ALPK2: variants seen among roughly 807,000 people sequenced by gnomAD.
ALPK2 encodes alpha kinase 2, also known as alpha-protein kinase 2.
In ALPK2, 127 loss-of-function variants were observed where a neutral mutation model predicts 163.1. That is an observed-to-expected ratio of 0.78 (90% CI 0.67 to 0.90). The LOEUF (loss-of-function observed/expected upper bound fraction) is 0.90, where lower values mean the gene tolerates loss of function less well. ALPK2 is among the 40% of genes least tolerant of loss of function. The pLI is 0.00. For missense variants in ALPK2, 2,360 were observed against 2,589.6 expected, an observed-to-expected ratio of 0.91 and a Z score of 1.92; for synonymous variants, 953 against 959.1, an observed-to-expected ratio of 0.99 and a Z score of 0.12.
At chr18:58,490,889 C>T (rs772384115) in intron 12 of ALPK2, among the ~76,000 whole-genome samples, 4 of 152,148 alleles carry the variant, frequency 2.6e-5, no homozygotes, top group Non-Finnish European at 5.9e-5. Context: ...ACTATGGGTC[C>T]GTTTTTGAGG....
Position 58,590,938 on chromosome 18 carries a change from C to T in ALPK2, c.228-10390G>A, listed in dbSNP as rs560880946. Among the ~76,000 whole-genome samples, 5 of 152,314 alleles carry T rather than the reference C, an allele frequency of 3.3e-5. No individual in the cohort carries two copies. The East Asian group carries it at 5.8e-4, about 18-fold the overall frequency. On this transcript the variant is annotated intron_variant, in intron 3 of 12. Transcript: ENST00000361673. ...GGCTGACCCCTGAGGCTGCAACACCCGGCTCCCATGACTGCTGGCTTCTTG... is the reference window on the plus strand; with the variant it reads ...GGCTGACCCCTGAGGCTGCAACACCTGGCTCCCATGACTGCTGGCTTCTTG...
At chr18:58,521,641 T>TTTTTTTTTTTTTG (rs1454429244) in intron 8 of ALPK2, among the ~76,000 whole-genome samples, 8 of 132,444 alleles carry the variant, frequency 6.0e-5, no homozygotes, top group Non-Finnish European at 1.7e-5. Context: ...TTTTTTTTTT[T>TTTTTTTTTTTTTG]TTTTTGAGAT....
At chr18:58,518,818 C>G (rs958107607) in intron 8 of ALPK2, among the ~76,000 whole-genome samples, 41 of 152,286 alleles carry the variant, frequency 2.7e-4, no homozygotes, top group Admixed American at 2.4e-3. Flanking sequence ...AAAGTCCTTC[C>G]CTCTGCCCTG....
intron 6 of ALPK2, among the ~76,000 whole-genome samples, chr18:58,528,419 C>G (rs531480949): frequency 5.3e-4 from 81 of 152,080 alleles, no homozygotes; most frequent in African/African-American, 2.0e-3. Context: ...TCCAGTAATC[C>G]TAGGTACTCG....
chr18:58,481,820 A>G lies in ALPK2; in HGVS notation c.*3T>C, dbSNP rs1302782571. On this transcript the variant is annotated 3_prime_UTR_variant, in exon 13 of 13. Transcript: ENST00000361673. ...CCAGTGGCCATTAGGTTACCCAGGG[A>G]CGTTAGGTTTTCTTTTCGCCTGGGG... is the stretch of plus-strand genomic sequence containing the variant. The G allele has an allele frequency of 1.2e-6, 2 of 1,612,650 alleles. No homozygotes were observed. Among genetic ancestry groups the G allele is most frequent in the Middle Eastern group, 1.7e-4 (1 of 6,058 alleles).
chr18:58,608,842 C>T (rs1221001111), intron 2 of ALPK2, among the ~76,000 whole-genome samples: 1 of 151,928 alleles, frequency 6.6e-6, no homozygotes, highest in Admixed American at 6.6e-5. Flanking sequence ...GTCTCAGCTA[C>T]CTGGGAGGCT....
At chr18:58,483,258 C>T (rs2051320852) in intron 12 of ALPK2, among the ~76,000 whole-genome samples, 1 of 152,198 alleles carries the variant, frequency 6.6e-6, no homozygotes, top group African/African-American at 2.4e-5. Flanking sequence ...CACTCAGCCC[C>T]TCCCCATCAA....
Position 58,607,340 on chromosome 18 carries a change from T to C in ALPK2, c.209A>G (p.His70Arg). Reference sequence around the variant, plus strand: ...CACTTACCAAGAGAGATGTAACACATGAATATACTGATTCTCAAAGAATTC... The same window carrying C: ...CACTTACCAAGAGAGATGTAACACACGAATATACTGATTCTCAAAGAATTC... The part of the protein sequence containing the change: ...NYEFFENQYI[H>R]VLHLSCCTKN... The change falls in exon 3 of 13, where the codon CAT becomes CGT. Residue 70 changes from histidine to arginine, a missense_variant. Transcript: ENST00000361673. The C allele has an allele frequency of 4.3e-6, 7 of 1,612,722 alleles. No homozygotes were observed. The highest frequency in any genetic ancestry group is 5.1e-6 in the Non-Finnish European group (6 of 1,179,152).
At chr18:58,532,338 G>A (rs1026255194) in intron 5 of ALPK2, among the ~76,000 whole-genome samples, 2 of 152,176 alleles carry the variant, frequency 1.3e-5, no homozygotes, top group East Asian at 1.9e-4. Flanking sequence ...ACACGAGAGG[G>A]GAGAGGTTGG....
intron 12 of ALPK2, among the ~76,000 whole-genome samples, chr18:58,495,571 T>C (rs935872836): frequency 6.6e-6 from 1 of 152,190 alleles, no homozygotes; most frequent in African/African-American, 2.4e-5. Context: ...TCCCAGTCGG[T>C]CTGGGTTCCT....
At chr18:58,483,887 G>A (rs1179660410) in intron 12 of ALPK2, among the ~76,000 whole-genome samples, 1 of 151,912 alleles carries the variant, frequency 6.6e-6, no homozygotes, top group Non-Finnish European at 1.5e-5. Context: ...AAATTCTCAG[G>A]TCATTTGACC....
Position 58,578,803 on chromosome 18 carries a change from A to T in ALPK2, c.1962+11T>A. On this transcript the variant is annotated intron_variant, in intron 4 of 12. Transcript: ENST00000361673. ...TTTTATCTCGTAATTTCTTTAAAAG[A>T]AAAGTCTTACCTGAGGAGGATCACT... The T allele has an allele frequency of 1.3e-6, 2 of 1,584,462 alleles. No individual in the cohort carries two copies. Among genetic ancestry groups the T allele is most frequent in the Non-Finnish European group, 1.7e-6 (2 of 1,164,952 alleles).
intron 1 of ALPK2, among the ~76,000 whole-genome samples, chr18:58,625,499 A>T (rs2052225032): frequency 6.6e-6 from 1 of 152,264 alleles, no homozygotes; most frequent in African/African-American, 2.4e-5. Context: ...ACCTGGGAAC[A>T]AGGAAGAAAT....
intron 4 of ALPK2, among the ~76,000 whole-genome samples, chr18:58,570,441 C>T (rs1354027603): frequency 6.6e-6 from 1 of 152,220 alleles, no homozygotes; most frequent in Admixed American, 6.5e-5. Context: ...TACCACCTGC[C>T]TAGTAACTAG....
At chr18:58,520,466 G>A (rs1343369970) in intron 8 of ALPK2, among the ~76,000 whole-genome samples, 3 of 136,108 alleles carry the variant, frequency 2.2e-5, no homozygotes, top group Admixed American at 1.5e-4. Context: ...AATCAGGAGA[G>A]ACTCATTGGA....
At chr18:58,487,175 A>ATGTC (rs61466282) in intron 12 of ALPK2, among the ~76,000 whole-genome samples, 2 of 152,000 alleles carry the variant, frequency 1.3e-5, no homozygotes, top group Non-Finnish European at 2.9e-5. Flanking sequence ...TTACAGATGG[A>ATGTC]ATTTCTTAAA....
At position 58,503,959 on chromosome 18, in the gene ALPK2, A is replaced by G. The variant is rs764544459; in HGVS notation, c.6219T>C (p.Ser2073=). Residue 2073 remains serine, a synonymous_variant, in exon 11 of 13, where the codon AGT becomes AGC. Coordinates refer to ENST00000361673, the MANE Select transcript of ALPK2 (RefSeq NM_052947.4). ...TFQHWVYQKT[S]GCLLVTDMQG... is the part of the protein sequence containing the mutation. Reference sequence around the variant, plus strand: ...GCATGTCCGTCACCAGGAGGCAGCCACTTGTTTTCTGGTACACCCAGTGCT... The same window carrying G: ...GCATGTCCGTCACCAGGAGGCAGCCGCTTGTTTTCTGGTACACCCAGTGCT... 1.2e-6 allele frequency: 2 copies of G among 1,613,924 alleles called. No homozygotes were observed. Among genetic ancestry groups the G allele is most frequent in the South Asian group, 1.1e-5 (1 of 91,040 alleles).
intron 2 of ALPK2, 66 bp from the exon 3 acceptor site, chr18:58,607,505 A>G: frequency 2.3e-5 from 25 of 1,076,426 alleles, no homozygotes; most frequent in South Asian, 1.4e-4. Context: ...AAAAAAACCC[A>G]TAAAGCTATG....
chr18:58,550,688 TCGTGTACAACCCCATCCCCGCTTCC>T (rs1216915633), intron 4 of ALPK2, among the ~76,000 whole-genome samples: 7 of 148,656 alleles, frequency 4.7e-5, no homozygotes, highest in Admixed American at 6.7e-5. Flanking sequence ...CCCACCTCCA[TCGTGTACAACCCCATCCCCGCTTCC>T]ATCACGTACA....
Sources: gnomAD v4.1 joint callset for allele counts (sites outside exome capture counted in the v4.1 genomes callset) on GRCh38, gnomAD v4.1.1 for gene constraint, MANE v1.5 for transcripts, NCBI Gene and HGNC (gene_info 2026-07-23, HGNC 2026-07-21) for gene names.